Variants in GALK2 observed in about 807,000 individuals in gnomAD.
GALK2 encodes N-acetylgalactosamine kinase.
A neutral mutation model predicts 52.4 loss-of-function variants in GALK2; 36 were observed. That is an observed-to-expected ratio of 0.69 (90% CI 0.53 to 0.91). The LOEUF is 0.91. Ranked by LOEUF, GALK2 falls within the 40% of genes least tolerant of loss-of-function variation. The pLI is 0.00. For synonymous variants in GALK2, 176 were observed against 199.1 expected, an observed-to-expected ratio of 0.88 and a Z score of 0.98; for missense variants, 579 against 559.1, an observed-to-expected ratio of 1.04 and a Z score of -0.36.
chr15:49,237,941 G>A (rs540306893), intron 4 of GALK2, among the ~76,000 whole-genome samples: 1 of 152,072 alleles, frequency 6.6e-6, no homozygotes, highest in Non-Finnish European at 1.5e-5. Context: ...TGTATATCTG[G>A]AAGGAAATTT....
intron 8 of GALK2, among the ~76,000 whole-genome samples, chr15:49,304,309 A>ATTGTGCT (rs1474499594): frequency 6.6e-6 from 1 of 152,170 alleles, no homozygotes; most frequent in East Asian, 1.9e-4. Context: ...GCTCAAACTG[A>ATTGTGCT]TTGTGCTTCA....
rs373448754 is a variant in GALK2 at position 49,204,103 on chromosome 15, C to CAAA, written c.142+2868_142+2870dup. ...ACTGCACTCCAGCAGGATTCTGTCT[C>CAAA]AAAAAAAAAAAAAAAAAGAAAATCA... On this transcript the variant is annotated intron_variant, in intron 2 of 9. Transcript: ENST00000560031. Among the ~76,000 whole-genome samples the CAAA allele has an allele frequency of 1.6e-3, 170 of 103,580 alleles. 2 individuals carry two copies. The highest frequency in any genetic ancestry group is 5.7e-3 in the African/African-American group (163 of 28,740). The allele number at this position is 103,580 out of a possible 152,430, so 68.0% of individuals were successfully genotyped here. A position where few individuals can be genotyped will look rare whatever the true frequency, so the allele number is the denominator to read the frequency against.
chr15:49,335,618 A>G, downstream of GALK2: 1 of 612,768 alleles, frequency 1.6e-6, no homozygotes, highest in East Asian at 2.7e-5. Flanking sequence ...AAGAGTCTCA[A>G]GTATAAACAT....
At chr15:49,231,019 G>A (rs1384466952) in intron 3 of GALK2, among the ~76,000 whole-genome samples, 1 of 151,722 alleles carries the variant, frequency 6.6e-6, no homozygotes, top group Non-Finnish European at 1.5e-5. Flanking sequence ...GTTTTTTTCT[G>A]ACAGACTTGA....
chr15:49,237,707 C>T (rs2090896619), intron 4 of GALK2, among the ~76,000 whole-genome samples: 1 of 152,108 alleles, frequency 6.6e-6, no homozygotes, highest in African/African-American at 2.4e-5. Context: ...GAACTCCTGA[C>T]TTCGTGACCC....
rs1048198698 is a variant in GALK2 at position 49,329,066 on chromosome 15, C to T, written c.*907C>T. On this transcript the variant is annotated 3_prime_UTR_variant, in exon 10 of 10. Transcript: ENST00000560031. ...AAATACCTCTCTAATCCAAGAGGCA[C>T]TTCCAAGAAATTCCACACATTCCTT... is the stretch of plus-strand genomic sequence containing the variant. 19 of 996,734 alleles carry T rather than the reference C, an allele frequency of 1.9e-5. No individual in the cohort carries two copies. The highest frequency in any genetic ancestry group is 2.3e-5 in the Non-Finnish European group (19 of 836,842). The allele number at this position is 996,734 out of a possible 1,614,324, so 61.7% of individuals were successfully genotyped here.
chr15:49,169,767 A>C (rs2084946455), upstream of GALK2, among the ~76,000 whole-genome samples: 1 of 152,206 alleles, frequency 6.6e-6, no homozygotes, highest in Non-Finnish European at 1.5e-5. Context: ...ATGCAAATCT[A>C]TTTAAATCAA....
chr15:49,174,035 C>T (rs2085279242), intron 1 of GALK2, among the ~76,000 whole-genome samples: 1 of 152,098 alleles, frequency 6.6e-6, no homozygotes, highest in South Asian at 2.1e-4. Context: ...GTGCCCCGGA[C>T]TATTTCACTG....
chr15:49,361,397 C>T (rs1437750087), intron 3 of GALK2, among the ~76,000 whole-genome samples: 3 of 152,120 alleles, frequency 2.0e-5, no homozygotes, highest in Non-Finnish European at 4.4e-5. Flanking sequence ...CACCCTCCTC[C>T]TTCCCTCCTC....
chr15:49,361,484 T>C (rs2044231837), intron 3 of GALK2, among the ~76,000 whole-genome samples: 1 of 152,158 alleles, frequency 6.6e-6, no homozygotes, highest in Non-Finnish European at 1.5e-5. Flanking sequence ...TACTTATTAG[T>C]GAGAACATGT....
intron 3 of GALK2, among the ~76,000 whole-genome samples, chr15:49,234,024 C>A (rs2090651803): frequency 6.6e-6 from 1 of 151,934 alleles, no homozygotes; most frequent in Non-Finnish European, 1.5e-5. Flanking sequence ...ATAATGTATC[C>A]ATGTTATTGA....
At chr15:49,184,161 A>G (rs1244529429) in intron 1 of GALK2, among the ~76,000 whole-genome samples, 1 of 151,960 alleles carries the variant, frequency 6.6e-6, no homozygotes, top group Non-Finnish European at 1.5e-5. Context: ...TATAAGGTGC[A>G]TATATATTTA....
At chr15:49,335,701 C>T (rs1439935147), downstream of GALK2, among the ~76,000 whole-genome samples, 2 of 152,174 alleles carry the variant, frequency 1.3e-5, no homozygotes, top group Non-Finnish European at 2.9e-5. Flanking sequence ...GTCCCATTAT[C>T]TCAACCACAG....
intron 1 of GALK2, among the ~76,000 whole-genome samples, chr15:49,159,421 CAAAAAA>C (rs1021120737): frequency 6.8e-6 from 1 of 148,114 alleles, no homozygotes. Context: ...GCTAAAAATA[CAAAAAA>C]AAAATTATCC....
rs546588886 is a variant in GALK2 at position 49,230,051 on chromosome 15, C to G, written c.267-5800C>G. Among the ~76,000 whole-genome samples the G allele has an allele frequency of 5.3e-5, 8 of 152,244 alleles. No individual in the cohort carries two copies. In the South Asian group the frequency reaches 1.7e-3, roughly 32 times the overall value. On this transcript the variant is annotated intron_variant, in intron 3 of 9. Coordinates refer to ENST00000560031, the MANE Select transcript of GALK2 (RefSeq NM_002044.4). ...TTATTGCCAGTGGCTTACATTTTGG[C>G]TCTGACAACAGCAGTTAGCACTCGT... is the stretch of plus-strand genomic sequence containing the variant.
At chr15:49,271,609 T>G (rs1431806709) in intron 5 of GALK2, among the ~76,000 whole-genome samples, 1 of 152,202 alleles carries the variant, frequency 6.6e-6, no homozygotes, top group East Asian at 1.9e-4. Flanking sequence ...GGCAGTTTAT[T>G]TAACCTCTCT....
intron 5 of GALK2, among the ~76,000 whole-genome samples, chr15:49,249,938 C>T (rs2127244): frequency 0.66 from 99,867 of 152,028 alleles, 33,398 homozygotes; most frequent in African/African-American, 0.74. Flanking sequence ...CTCGTCTGCC[C>T]GTGCCTCTTT....
At chr15:49,188,024 C>T (rs1368039055) in intron 1 of GALK2, among the ~76,000 whole-genome samples, 1 of 152,142 alleles carries the variant, frequency 6.6e-6, no homozygotes, top group East Asian at 1.9e-4. Context: ...ATGGCCAACA[C>T]ACTGGGAATG....
chr15:49,270,203 A>G (rs1222670909), intron 5 of GALK2, among the ~76,000 whole-genome samples: 1 of 152,248 alleles, frequency 6.6e-6, no homozygotes. Context: ...TTAGAAGTAG[A>G]AAACTAGGAC....
Sources: gnomAD v4.1 joint callset for allele counts (sites outside exome capture counted in the v4.1 genomes callset) on GRCh38, gnomAD v4.1.1 for gene constraint, MANE v1.5 for transcripts, NCBI Gene and HGNC (gene_info 2026-07-23, HGNC 2026-07-21) for gene names.